MTUS2: variants seen among roughly 807,000 people sequenced by gnomAD.
The protein encoded by MTUS2 is microtubule associated scaffold protein 2.
Under a neutral mutation model 114.1 loss-of-function variants are expected in MTUS2, and 40 were observed. The observed-to-expected ratio is 0.35, with a 90% CI of 0.27 to 0.46. The LOEUF is 0.46. Ranked by LOEUF, MTUS2 falls within the 20% of genes least tolerant of loss-of-function variation. MTUS2 has a pLI of 1.00. For missense variants in MTUS2, 1,679 were observed against 1,705.4 expected, an observed-to-expected ratio of 0.98 and a Z score of 0.27; for synonymous variants, 688 against 672.0, an observed-to-expected ratio of 1.02 and a Z score of -0.37.
At chr13:28,971,925 C>T (rs1883875105) in intron 2 of MTUS2, among the ~76,000 whole-genome samples, 1 of 152,194 alleles carries the variant, frequency 6.6e-6, no homozygotes, top group Non-Finnish European at 1.5e-5. Flanking sequence ...AATTCATGTG[C>T]TGCATGCAAA....
chr13:29,243,777 T>C (rs1366197621), intron 5 of MTUS2, among the ~76,000 whole-genome samples: 1 of 152,156 alleles, frequency 6.6e-6, no homozygotes, highest in East Asian at 1.9e-4. Flanking sequence ...GGGGATGCCG[T>C]TGAAGAACAG....
intron 5 of MTUS2, among the ~76,000 whole-genome samples, chr13:29,118,872 G>A (rs907559613): frequency 2.0e-5 from 3 of 152,148 alleles, no homozygotes; most frequent in African/African-American, 7.2e-5. Flanking sequence ...GGAAGTGAGG[G>A]AGTGGACGGT....
intron 4 of MTUS2, among the ~76,000 whole-genome samples, chr13:29,093,787 AT>A (rs1490863294): frequency 1.3e-5 from 2 of 152,132 alleles, no homozygotes; most frequent in African/African-American, 4.8e-5. Context: ...CTTCCATACA[AT>A]GTTAAACAGA....
chr13:29,405,076 T>A (rs184798849), intron 8 of MTUS2, among the ~76,000 whole-genome samples: 3 of 152,216 alleles, frequency 2.0e-5, no homozygotes, highest in Admixed American at 2.0e-4. Flanking sequence ...TAATCTTTCT[T>A]TAAATACTGA....
chr13:29,187,071 G>T (rs1274938488), intron 5 of MTUS2, among the ~76,000 whole-genome samples: 1 of 151,924 alleles, frequency 6.6e-6, no homozygotes, highest in Non-Finnish European at 1.5e-5. Context: ...GAATGAAAAT[G>T]AAAACACAAC....
At chr13:29,037,971 C>G in intron 4 of MTUS2, among the ~76,000 whole-genome samples, 1 of 152,276 alleles carries the variant, frequency 6.6e-6, no homozygotes, top group South Asian at 2.1e-4. Flanking sequence ...TCCTTTAGCT[C>G]AGAAGAGTTG....
intron 4 of MTUS2, among the ~76,000 whole-genome samples, chr13:29,044,080 C>T (rs983258513): frequency 2.0e-5 from 3 of 152,070 alleles, no homozygotes; most frequent in Non-Finnish European, 4.4e-5. Flanking sequence ...TGCAGATCCT[C>T]ATTTTAATCT....
intron 5 of MTUS2, among the ~76,000 whole-genome samples, chr13:29,139,550 G>T (rs1453901333): frequency 8.2e-6 from 1 of 121,896 alleles, no homozygotes; most frequent in Non-Finnish European, 1.7e-5. Flanking sequence ...TTTAATGTCT[G>T]TTGATGGACT....
chr13:29,099,964 A>G (rs1434594792), intron 4 of MTUS2, among the ~76,000 whole-genome samples: 1 of 152,356 alleles, frequency 6.6e-6, no homozygotes, highest in East Asian at 1.9e-4. Flanking sequence ...TTATTATTTC[A>G]AAACAAGCTG....
At chr13:29,008,935 T>G in intron 2 of MTUS2, among the ~76,000 whole-genome samples, 1 of 152,012 alleles carries the variant, frequency 6.6e-6, no homozygotes, top group Non-Finnish European at 1.5e-5. Context: ...TCCATTCTTC[T>G]TCTTCTTTTT....
At chr13:28,992,400 G>A (rs1040914) in intron 2 of MTUS2, among the ~76,000 whole-genome samples, 68,702 of 152,084 alleles carry the variant, frequency 0.45, 16,099 homozygotes, top group East Asian at 0.68. Context: ...GGAGGGAGGA[G>A]GAGGTGAAGG....
intron 4 of MTUS2, among the ~76,000 whole-genome samples, chr13:29,055,999 T>C (rs1354392561): frequency 6.6e-6 from 1 of 152,116 alleles, no homozygotes; most frequent in African/African-American, 2.4e-5. Context: ...TTTTCTCTTA[T>C]TTGGTATTGT....
At chr13:28,857,370 A>G (rs1346945498) in intron 2 of MTUS2, among the ~76,000 whole-genome samples, 4 of 152,202 alleles carry the variant, frequency 2.6e-5, no homozygotes, top group African/African-American at 9.6e-5. Context: ...AAGATCAGAG[A>G]TCAGTCTTTA....
intron 5 of MTUS2, among the ~76,000 whole-genome samples, chr13:29,265,397 G>A (rs1897631023): frequency 6.6e-6 from 1 of 152,166 alleles, no homozygotes. Flanking sequence ...TCGTCTTCCA[G>A]TCTTCTTCTG....
intron 2 of MTUS2, among the ~76,000 whole-genome samples, chr13:28,879,274 C>A (rs1281858987): frequency 6.6e-6 from 1 of 152,086 alleles, no homozygotes; most frequent in Non-Finnish European, 1.5e-5. Context: ...GTTGTCTGTT[C>A]ACTCTGTTGA....
intron 2 of MTUS2, among the ~76,000 whole-genome samples, chr13:29,000,467 A>G (rs774209697): frequency 3.3e-5 from 5 of 151,722 alleles, no homozygotes; most frequent in East Asian, 1.9e-4. Flanking sequence ...GGTTTAAGCA[A>G]TTTTCCTGCC....
intron 5 of MTUS2, among the ~76,000 whole-genome samples, chr13:29,265,109 C>A (rs933495572): frequency 6.6e-6 from 1 of 152,122 alleles, no homozygotes; most frequent in African/African-American, 2.4e-5. Flanking sequence ...TAGGCTGTTA[C>A]AAGCAGCCAC....
chr13:29,269,372 T>C (rs1897789613), intron 5 of MTUS2, among the ~76,000 whole-genome samples: 1 of 152,144 alleles, frequency 6.6e-6, no homozygotes, highest in African/African-American at 2.4e-5. Flanking sequence ...TGGTTTTACA[T>C]TCCTCAAGTT....
intron 5 of MTUS2, among the ~76,000 whole-genome samples, chr13:29,265,032 A>G (rs61039868): frequency 0.015 from 2,338 of 152,318 alleles, 74 homozygotes; most frequent in African/African-American, 0.053. Flanking sequence ...CCAAACTTTT[A>G]TGCACTGCTT....
Sources: gnomAD v4.1 joint callset for allele counts (sites outside exome capture counted in the v4.1 genomes callset) on GRCh38, gnomAD v4.1.1 for gene constraint, MANE v1.5 for transcripts, NCBI Gene and HGNC (gene_info 2026-07-23, HGNC 2026-07-21) for gene names.